PLAU: variants seen among roughly 807,000 people sequenced by gnomAD.
PLAU encodes the protein urokinase-type plasminogen activator.
PLAU carries 32 observed loss-of-function variants against 48.9 expected under a neutral mutation model. The ratio of observed to expected loss-of-function variants is 0.65; its 90% CI spans 0.49 to 0.88. The LOEUF (loss-of-function observed/expected upper bound fraction) is 0.88, where lower values mean the gene tolerates loss of function less well. Among genes scored for constraint, PLAU ranks in the 40% least tolerant of loss-of-function variants. The pLI is 0.00. For missense variants in PLAU, 455 were observed against 545.2 expected, an observed-to-expected ratio of 0.83 and a Z score of 1.65; for synonymous variants, 199 against 205.7, an observed-to-expected ratio of 0.97 and a Z score of 0.28.
rs2227574 is a variant in PLAU, at chr10:73,917,408, TG to T, written c.*844del. The stretch of plus-strand genomic sequence containing the variant: ...CACTGGGTGGGGTGAGGACCACTCC[TG>T]TACACTGAATATTTATATTTCACTA... On this transcript the variant is annotated 3_prime_UTR_variant, in exon 11 of 11. Coordinates refer to ENST00000372764, the MANE Select transcript of PLAU (RefSeq NM_002658.6). The T allele has an allele frequency of 0.5, 76,179 of 152,488 alleles. 19,819 individuals are homozygous for T. Among genetic ancestry groups the T allele is most frequent in the Middle Eastern group, 0.65 (192 of 294 alleles). 9.4% of individuals were successfully genotyped at this position (152,488 alleles called of 1,614,324 possible). A position where few individuals can be genotyped will look rare whatever the true frequency, so the allele number is the denominator to read the frequency against.
chr10:73,910,292 G>C (rs1461739971), upstream of PLAU: 1 of 152,010 alleles, frequency 6.6e-6, no homozygotes, highest in Admixed American at 6.6e-5. Context: ...TTTTATTCTT[G>C]CCTGCACAAA....
rs754537952 is a variant in PLAU, at chr10:73,915,267, G to A, written c.987G>A (p.Pro329=). The A allele has an allele frequency of 4.3e-6, 7 of 1,613,542 alleles. No individual in the cohort carries two copies. The highest frequency in any genetic ancestry group is 5.9e-6 in the Non-Finnish European group (7 of 1,179,758). ...TCCACCTAGCCGACTATCTCTATCCGGAGCAGCTGAAAATGACTGTTGTGA... is the reference window on the plus strand; with the variant it reads ...TCCACCTAGCCGACTATCTCTATCCAGAGCAGCTGAAAATGACTGTTGTGA... ...GKENSTDYLY[P]EQLKMTVVKL... The change falls in exon 10 of 11, where the codon CCG becomes CCA. Residue 329 remains proline (P), a synonymous_variant. Coordinates refer to ENST00000372764, the MANE Select transcript of PLAU (RefSeq NM_002658.6).
chr10:73,915,175 A>G, intron 9 of PLAU, 76 bp from the exon 10 acceptor site: 1 of 1,448,052 alleles, frequency 6.9e-7, no homozygotes, highest in Non-Finnish European at 9.5e-7. Context: ...GAGATACTTT[A>G]TGGTTCCCCT....
At chr10:73,913,849 T>C in intron 7 of PLAU, 91 bp downstream of exon 7, 1 of 1,378,952 alleles carries the variant, frequency 7.3e-7, no homozygotes, top group South Asian at 1.3e-5. Flanking sequence ...GCCTCATTTC[T>C]CCCTCATCTG....
chr10:73,914,212 C>T (rs2136189614), intron 8 of PLAU, 84 bp downstream of exon 8: 2 of 1,455,794 alleles, frequency 1.4e-6, no homozygotes, highest in South Asian at 1.2e-5. Context: ...GAGGTTGAAG[C>T]TGCCCGGTGG....
Position 73,916,390 on chromosome 10 carries a change from G to T in PLAU, c.1121G>T (p.Gly374Val), listed in dbSNP as rs751774005. Residue 374 changes from glycine (G) to valine (V), a missense_variant and splice_region_variant, in exon 11 of 11, where the codon GGA becomes GTA. Gly to Val is a moderately radical substitution (Grantham distance 109). Coordinates refer to ENST00000372764, the MANE Select transcript of PLAU (RefSeq NM_002658.6). The part of the protein sequence containing the change: ...DPQWKTDSCQ[G>V]DSGGPLVCSL... ...TCTTTTGTATCTTTGGCGTCACAGG[G>T]AGACTCAGGGGGACCCCTCGTCTGT... 1.9e-6 allele frequency: 3 copies of T among 1,612,446 alleles called. No individual in the cohort carries two copies. The Admixed American group carries it at 5.0e-5, about 27-fold the overall frequency.
chr10:73,912,862 T>C, intron 4 of PLAU, 62 bp from the exon 5 acceptor site: 1 of 1,237,790 alleles, frequency 8.1e-7, no homozygotes, highest in South Asian at 1.4e-5. Context: ...AAAAAAAAAA[T>C]AAAAGTTAGT....
intron 6 of PLAU, 71 bp from the exon 7 acceptor site, chr10:73,913,468 G>A (rs897063710): frequency 7.1e-6 from 11 of 1,547,934 alleles, no homozygotes; most frequent in Non-Finnish European, 9.8e-6. Context: ...GGACTGAGGA[G>A]GTGGGGGGTG....
At chr10:73,911,758 A>T in intron 2 of PLAU, 146 bp downstream of exon 2, 1 of 1,552,436 alleles carries the variant, frequency 6.4e-7, no homozygotes, top group South Asian at 1.2e-5. Flanking sequence ...ACAGGGTGGC[A>T]GCGGAGGCTT....
At position 73,914,047 on chromosome 10, in the gene PLAU, G is replaced by T. The variant is rs1294725699; in HGVS notation, c.748G>T (p.Gly250Trp). The change falls in exon 8 of 11, where the codon GGG (glycine) becomes TGG (tryptophan). Residue 250 changes from glycine to tryptophan, a missense_variant. Gly to Trp is a radical substitution (Grantham distance 184). Coordinates refer to ENST00000372764, the MANE Select transcript of PLAU (RefSeq NM_002658.6). ...CTCAAGGCTTAACTCCAACACGCAA[G>T]GGGAGATGAAGTTTGAGGTGGAAAA... The part of the protein sequence containing the change: ...GRSRLNSNTQ[G>W]EMKFEVENLI... 6.2e-7 allele frequency: 1 copy of T among 1,613,928 alleles called. No homozygotes were observed. The highest frequency in any genetic ancestry group is 8.5e-7 in the Non-Finnish European group (1 of 1,179,772).
Position 73,913,373 on chromosome 10 carries a change from G to A in PLAU, c.452G>A (p.Cys151Tyr). 2 of 1,613,726 alleles carry A rather than the reference G, an allele frequency of 1.2e-6. No homozygotes were observed. Among genetic ancestry groups the A allele is most frequent in the Non-Finnish European group, 1.7e-6 (2 of 1,179,634 alleles). ...LLVQECMVHD[C>Y]ADGKKPSSPP... ...GTCCAAGAGTGCATGGTGCATGACT[G>A]CGCAGATGGTGAGCATCACTGACCT... Residue 151 changes from cysteine (C) to tyrosine (Y), a missense_variant, in exon 6 of 11, where the codon TGC becomes TAC. Coordinates refer to ENST00000372764, the MANE Select transcript of PLAU (RefSeq NM_002658.6).
At chr10:73,909,772 C>T (rs1239811815), upstream of PLAU, among the ~76,000 whole-genome samples, 3 of 152,170 alleles carry the variant, frequency 2.0e-5, no homozygotes, top group African/African-American at 4.8e-5. Context: ...ACTAAGAGAG[C>T]GAGTCCTACT....
At chr10:73,915,742 G>A (rs2096135415) in intron 10 of PLAU, among the ~76,000 whole-genome samples, 1 of 152,162 alleles carries the variant, frequency 6.6e-6, no homozygotes, top group African/African-American at 2.4e-5. Flanking sequence ...GGGAGGGGAG[G>A]CTTTAAAGGA....
At chr10:73,913,435 T>C in intron 6 of PLAU, 54 bp downstream of exon 6, 2 of 1,567,352 alleles carry the variant, frequency 1.3e-6, no homozygotes, top group Non-Finnish European at 1.8e-6. Flanking sequence ...CAAACTTACA[T>C]GTCCCCTTAT....
At chr10:73,909,594 C>T (rs1322874209), upstream of PLAU, among the ~76,000 whole-genome samples, 5 of 152,206 alleles carry the variant, frequency 3.3e-5, no homozygotes, top group Non-Finnish European at 5.9e-5. Flanking sequence ...AGCAAAGGAG[C>T]CTTCCTCCTT....
At chr10:73,911,869 C>G (rs759434474) in intron 2 of PLAU, 172 bp from the exon 3 acceptor site, 1 of 1,554,792 alleles carries the variant, frequency 6.4e-7, no homozygotes, top group African/African-American at 1.4e-5. Flanking sequence ...TTGGGTCAAT[C>G]CATTTCTCCT....
rs1486765914 is a variant in PLAU, at chr10:73,914,137, G to GA, written c.829+11dup. ...TCACCACAACGACATTGGTGAGGGG[G>GA]AACCCCGCGACTACTGTGGCCATAA... On this transcript the variant is annotated intron_variant, in intron 8 of 10. Transcript: ENST00000372764. The GA allele has an allele frequency of 5.0e-6, 8 of 1,613,654 alleles. No individual in the cohort carries two copies. The highest frequency in any genetic ancestry group is 6.8e-6 in the Non-Finnish European group (8 of 1,179,896).
At chr10:73,911,278 G>T (rs1044495454) in intron 1 of PLAU, 60 bp downstream of exon 1, 1 of 517,598 alleles carries the variant, frequency 1.9e-6, no homozygotes, top group Non-Finnish European at 3.4e-6. Context: ...GCTCCCGAGC[G>T]TCTGCCTCCC....
chr10:73,917,397 A>T lies in PLAU; in HGVS notation c.*832A>T, dbSNP rs1239350991. 1 of 112,008 alleles carries T rather than the reference A, an allele frequency of 8.9e-6. No individual in the cohort carries two copies. Among genetic ancestry groups the T allele is most frequent in the East Asian group, 2.0e-4 (1 of 5,112 alleles). 6.9% of individuals were successfully genotyped at this position (112,008 alleles called of 1,614,324 possible). A position where few individuals can be genotyped will look rare whatever the true frequency, so the allele number is the denominator to read the frequency against. On this transcript the variant is annotated 3_prime_UTR_variant, in exon 11 of 11. Coordinates refer to ENST00000372764, the MANE Select transcript of PLAU (RefSeq NM_002658.6). Reference sequence around the variant, plus strand: ...CATCCAATCCTCACTGGGTGGGGTGAGGACCACTCCTGTACACTGAATATT... The same window carrying T: ...CATCCAATCCTCACTGGGTGGGGTGTGGACCACTCCTGTACACTGAATATT...
Sources: gnomAD v4.1 joint callset for allele counts (sites outside exome capture counted in the v4.1 genomes callset) on GRCh38, gnomAD v4.1.1 for gene constraint, MANE v1.5 for transcripts, NCBI Gene and HGNC (gene_info 2026-07-23, HGNC 2026-07-21) for gene names.